GIPC1: variants seen among roughly 807,000 people sequenced by gnomAD.
GIPC1 encodes the protein GIPC PDZ domain containing family member 1.
A neutral mutation model predicts 28.5 loss-of-function variants in GIPC1; 15 were observed. That is an observed-to-expected ratio of 0.53 (90% CI 0.35 to 0.81). The LOEUF (loss-of-function observed/expected upper bound fraction) is 0.81, where lower values mean the gene tolerates loss of function less well. Among genes scored for constraint, GIPC1 ranks in the 30% least tolerant of loss-of-function variants. The pLI is 0.01. For synonymous variants in GIPC1, 224 were observed against 206.1 expected, an observed-to-expected ratio of 1.09 and a Z score of -0.74; for missense variants, 439 against 481.9, an observed-to-expected ratio of 0.91 and a Z score of 0.83.
intron 2 of GIPC1, among the ~76,000 whole-genome samples, chr19:14,492,167 C>T (rs2071988417): frequency 1.3e-5 from 2 of 152,352 alleles, no homozygotes; most frequent in South Asian, 4.1e-4. Context: ...TGGAACCTGG[C>T]TTCATCTCTT....
At chr19:14,485,702 T>TATATATAGAGAGAG (rs1300117748) in intron 3 of GIPC1, among the ~76,000 whole-genome samples, 38 of 58,772 alleles carry the variant, frequency 6.5e-4, no homozygotes, top group Admixed American at 1.1e-3. Context: ...TATATATATA[T>TATATATAGAGAGAG]AGAGAGAGAG....
At chr19:14,486,393 G>A (rs1328865470) in intron 3 of GIPC1, among the ~76,000 whole-genome samples, 1 of 152,126 alleles carries the variant, frequency 6.6e-6, no homozygotes, top group African/African-American at 2.4e-5. Flanking sequence ...CTTGTGACTG[G>A]GCAGATAAAT....
intron 1 of GIPC1, among the ~76,000 whole-genome samples, chr19:14,493,518 C>T (rs1438869596): frequency 2.6e-5 from 4 of 151,800 alleles, no homozygotes; most frequent in South Asian, 2.1e-4. Flanking sequence ...AGTGCAGTGG[C>T]GCCATCTCAG....
In GIPC1 at chr19:14,482,829, G is replaced by A. The variant is rs760869584; in HGVS notation, c.148C>T (p.Pro50Ser). 1.9e-6 allele frequency: 3 copies of A among 1,579,372 alleles called. No individual in the cohort carries two copies. The highest frequency in any genetic ancestry group is 1.3e-5 in the African/African-American group (1 of 74,254). Residue 50 changes from proline to serine, a missense_variant, in exon 4 of 9, where the codon CCT becomes TCT. Coordinates refer to ENST00000393033, the MANE Select transcript of GIPC1 (RefSeq NM_005716.4). ...AGGCGGGGCCGCAGGGCTGGGGGAG[G>A]GGGGGGCAAGCCCATTTGGGGGCCC... Reference protein sequence around the residue: ...SGGPQMGLPPPPPALRPRLVF... With the variant: ...SGGPQMGLPPSPPALRPRLVF...
chr19:14,485,738 G>GAGAGAGAGAGAGAGAGAGAGAGACAGAC (rs1555721833), intron 3 of GIPC1, among the ~76,000 whole-genome samples: 1 of 141,616 alleles, frequency 7.1e-6, no homozygotes, highest in African/African-American at 2.7e-5. Flanking sequence ...GAGAGAGAGA[G>GAGAGAGAGAGAGAGAGAGAGAGACAGAC]AGACAGAGAG....
At chr19:14,484,469 G>A (rs1444647433) in intron 3 of GIPC1, among the ~76,000 whole-genome samples, 3 of 151,752 alleles carry the variant, frequency 2.0e-5, no homozygotes, top group Non-Finnish European at 4.4e-5. Context: ...TTGCAGGCCG[G>A]GTGCGGTGGC....
chr19:14,485,359 A>T (rs1187810), intron 3 of GIPC1, among the ~76,000 whole-genome samples: 78,555 of 147,794 alleles, frequency 0.53, 21,567 homozygotes, highest in African/African-American at 0.68. Flanking sequence ...TTTTTTTTTT[A>T]AATTTTATTG....
chr19:14,482,339 G>C, intron 4 of GIPC1: 1 of 378,762 alleles, frequency 2.6e-6, no homozygotes, highest in Non-Finnish European at 4.9e-6. Flanking sequence ...TCCACCCCTA[G>C]TCTTGCACAA....
intron 3 of GIPC1, among the ~76,000 whole-genome samples, chr19:14,484,031 CACTCT>C (rs2071786385): frequency 6.6e-6 from 1 of 151,898 alleles, no homozygotes; most frequent in South Asian, 2.1e-4. Context: ...GATGGAGTCT[CACTCT>C]GTCCCCTAGG....
At position 14,478,831 on chromosome 19, in the gene GIPC1, C is replaced by T; in HGVS notation, c.769-66G>A. 1 of 1,162,026 alleles carries T rather than the reference C, an allele frequency of 8.6e-7. No homozygotes were observed. The highest frequency in any genetic ancestry group is 1.2e-5 in the South Asian group (1 of 81,292). 72.0% of individuals were successfully genotyped at this position (1,162,026 alleles called of 1,614,324 possible). On this transcript the variant is annotated intron_variant, in intron 7 of 8. Transcript: ENST00000393033. This position sits in a 1 kb window ranked among gnomAD's most constrained non-coding sequence, Gnocchi z 5.2. ...TGAATATACATAGTAATTGGACGGA[C>T]TGCCATTGTCACCACTTTACATATA...
chr19:14,480,136 G>A lies in GIPC1; in HGVS notation c.655+169C>T, dbSNP rs2071691798. 9.6e-6 allele frequency: 6 copies of A among 622,632 alleles called. No individual in the cohort carries two copies. The South Asian group carries it at 9.7e-5, about 10-fold the overall frequency. The allele number at this position is 622,632 out of a possible 1,614,324, so 38.6% of individuals were successfully genotyped here. A position where few individuals can be genotyped will look rare whatever the true frequency, so the allele number is the denominator to read the frequency against. ...CCGCCCTTCTCCCAGGCTGGGCCAAGGGCCAGCACCCCGTCTGGGGTCGGG... is the reference window on the plus strand; with the variant it reads ...CCGCCCTTCTCCCAGGCTGGGCCAAAGGCCAGCACCCCGTCTGGGGTCGGG... On this transcript the variant is annotated intron_variant, in intron 6 of 8. Transcript: ENST00000393033.
intron 3 of GIPC1, among the ~76,000 whole-genome samples, chr19:14,487,467 C>T (rs745997364): frequency 4.0e-5 from 6 of 151,322 alleles, no homozygotes; most frequent in Non-Finnish European, 7.4e-5. Context: ...AACTCCTGAC[C>T]TCGTGATTCG....
chr19:14,496,075 C>CCGT lies in GIPC1; in HGVS notation c.-214_-213insACG. 1 of 241,416 alleles carries CCGT rather than the reference C, an allele frequency of 4.1e-6. No individual in the cohort carries two copies. The highest frequency in any genetic ancestry group is 7.7e-6 in the Non-Finnish European group (1 of 129,852). The allele number at this position is 241,416 out of a possible 1,614,324, so 15.0% of individuals were successfully genotyped here. On this transcript the variant is annotated 5_prime_UTR_variant, in exon 1 of 9. Transcript: ENST00000393033. The stretch of plus-strand genomic sequence containing the variant: ...GCCGCCGCCGCCGCCGCCGCCGCCG[C>CCGT]TGCCTCCGCCTCCCCGTGCGCACCC...
At chr19:14,491,180 T>C (rs1485738162) in intron 3 of GIPC1, among the ~76,000 whole-genome samples, 1 of 151,644 alleles carries the variant, frequency 6.6e-6, no homozygotes, top group Non-Finnish European at 1.5e-5. Flanking sequence ...CTATATTTTC[T>C]TATGTAAAAG....
At position 14,482,893 on chromosome 19, in the gene GIPC1, G is replaced by T; in HGVS notation, c.84C>A (p.Gly28=). ...CGCCCAGAGGCCCTGGCTCCCCCAC[G>T]CCCAGCCCTCCACGGCCTGGCTCAG... ...EEAEPGRGGL[G]VGEPGPLGGG... is the part of the protein sequence containing the mutation. The change falls in exon 4 of 9, where the codon GGC becomes GGA. Residue 28 remains glycine (G), a synonymous_variant. Coordinates refer to ENST00000393033, the MANE Select transcript of GIPC1 (RefSeq NM_005716.4). The T allele has an allele frequency of 6.3e-7, 1 of 1,595,322 alleles. No homozygotes were observed. Among genetic ancestry groups the T allele is most frequent in the Non-Finnish European group, 8.5e-7 (1 of 1,171,514 alleles).
chr19:14,495,352 GCAA>G (rs2072054200), intron 1 of GIPC1, among the ~76,000 whole-genome samples: 1 of 152,086 alleles, frequency 6.6e-6, no homozygotes, highest in South Asian at 2.1e-4. Flanking sequence ...GAGCTACTCA[GCAA>G]CAACTGAGCC....
intron 1 of GIPC1, among the ~76,000 whole-genome samples, chr19:14,495,312 G>C (rs1248803785): frequency 6.6e-6 from 1 of 151,790 alleles, no homozygotes; most frequent in Non-Finnish European, 1.5e-5. Context: ...TGATGAGTAC[G>C]GGGTAGGGGG....
Position 14,485,962 on chromosome 19 carries a change from A to T in GIPC1, c.-30-2956T>A, listed in dbSNP as rs1366687014. Among the ~76,000 whole-genome samples the T allele has an allele frequency of 5.3e-5, 8 of 151,968 alleles. No homozygotes were observed. In the South Asian group the frequency reaches 1.7e-3, roughly 32 times the overall value. ...ATTTTTTGTATTTTTAGTAGAGACG[A>T]GGTTTCACCACGTTAGCAAGGATGG... is the stretch of plus-strand genomic sequence containing the variant. On this transcript the variant is annotated intron_variant, in intron 3 of 8. Coordinates refer to ENST00000393033, the MANE Select transcript of GIPC1 (RefSeq NM_005716.4).
chr19:14,488,621 G>A (rs1382584795), intron 3 of GIPC1, among the ~76,000 whole-genome samples: 2 of 151,756 alleles, frequency 1.3e-5, no homozygotes, highest in African/African-American at 4.8e-5. Flanking sequence ...GTATGGTGGT[G>A]CATGCAAACC....
Sources: gnomAD v4.1 joint callset for allele counts (sites outside exome capture counted in the v4.1 genomes callset) on GRCh38, gnomAD v4.1.1 for gene constraint, Gnocchi (gnomAD v3.1) non-coding constraint, MANE v1.5 for transcripts, NCBI Gene and HGNC (gene_info 2026-07-23, HGNC 2026-07-21) for gene names.